The following ANKRD44 variants were observed in gnomAD, a reference collection of about 807,000 sequenced individuals.
ANKRD44 encodes the protein ankyrin repeat domain 44, also known as serine/threonine-protein phosphatase 6 regulatory ankyrin repeat subunit B.
In ANKRD44, 35 loss-of-function variants were observed where a neutral mutation model predicts 116.0. That is an observed-to-expected ratio of 0.30 (90% confidence interval 0.23 to 0.40). The LOEUF (loss-of-function observed/expected upper bound fraction) is 0.40, where lower values mean the gene tolerates loss of function less well. Among genes scored for constraint, ANKRD44 ranks in the 10% least tolerant of loss-of-function variants. The pLI, the probability that ANKRD44 is intolerant of heterozygous loss-of-function variation, is 1.00. For missense variants in ANKRD44, 1,014 were observed against 1,242.6 expected (o/e 0.82, Z 2.77); for synonymous variants, 435 against 461.8 (o/e 0.94, Z 0.74).
At chr2:197,210,478 C>T (rs1013867736) in intron 1 of ANKRD44, among the ~76,000 whole-genome samples, 2 of 152,216 alleles carry the variant, frequency 1.3e-5, no homozygotes, top group African/African-American at 4.8e-5. Context: ...GACGCCAAAG[C>T]TTGTTCTGTT....
rs115525872 is a variant in ANKRD44 at position 197,074,257 on chromosome 2, G to T, written c.1650+4446C>A. Among the ~76,000 whole-genome samples, 650 of 152,336 alleles carry T rather than the reference G, an allele frequency of 4.3e-3. 5 individuals carry two copies. Among genetic ancestry groups the T allele is most frequent in the African/African-American group, 0.015 (616 of 41,584 alleles). On this transcript the variant is annotated intron_variant, in intron 16 of 27. Transcript: ENST00000282272. ...AACACTGCCCCTTGGCAGGCTGCCT[G>T]CTGGGAGGTCAGGCACAACCCAAGT...
chr2:196,968,371 A>G (rs1332862322), intron 21 of ANKRD44, among the ~76,000 whole-genome samples: 4 of 152,196 alleles, frequency 2.6e-5, no homozygotes, highest in African/African-American at 9.6e-5. Context: ...TCACAGATAA[A>G]TTTCACAGCA....
chr2:197,084,876 G>A (rs543529076), intron 13 of ANKRD44, among the ~76,000 whole-genome samples: 1 of 152,102 alleles, frequency 6.6e-6, no homozygotes, highest in Non-Finnish European at 1.5e-5. Context: ...GTCCTTCTAG[G>A]TCTAAAATTC....
intron 2 of ANKRD44, among the ~76,000 whole-genome samples, chr2:197,163,975 G>A (rs1196638024): frequency 6.6e-6 from 1 of 152,174 alleles, no homozygotes; most frequent in East Asian, 1.9e-4. Flanking sequence ...CAGTGGGGGA[G>A]TGGATCCATC....
At chr2:197,141,311 T>C (rs1275448912) in intron 3 of ANKRD44, among the ~76,000 whole-genome samples, 1 of 152,268 alleles carries the variant, frequency 6.6e-6, no homozygotes, top group African/African-American at 2.4e-5. Context: ...CATCTTCTAA[T>C]ATGTTTGATT....
At chr2:197,127,940 T>A (rs2079013346) in intron 4 of ANKRD44, among the ~76,000 whole-genome samples, 1 of 152,204 alleles carries the variant, frequency 6.6e-6, no homozygotes, top group South Asian at 2.1e-4. Flanking sequence ...GTTTCTGAGT[T>A]AGTTTGCTAA....
At chr2:197,025,862 T>C (rs950204430) in intron 16 of ANKRD44, among the ~76,000 whole-genome samples, 1 of 152,038 alleles carries the variant, frequency 6.6e-6, no homozygotes, top group Non-Finnish European at 1.5e-5. Flanking sequence ...TAGTCAATGA[T>C]ATGCATCAAG....
At chr2:197,016,700 C>G (rs2076398430) in intron 17 of ANKRD44, among the ~76,000 whole-genome samples, 1 of 151,988 alleles carries the variant, frequency 6.6e-6, no homozygotes, top group South Asian at 2.1e-4. Context: ...AATTTAATAG[C>G]ATTAAGATTA....
intron 2 of ANKRD44, among the ~76,000 whole-genome samples, chr2:197,159,801 A>T (rs1419207983): frequency 6.6e-6 from 1 of 152,210 alleles, no homozygotes; most frequent in African/African-American, 2.4e-5. Context: ...GACAGGAATT[A>T]AGGTTGACTC....
At chr2:197,100,658 T>C (rs368093348) in intron 9 of ANKRD44, among the ~76,000 whole-genome samples, 48 of 152,194 alleles carry the variant, frequency 3.2e-4, no homozygotes, top group African/African-American at 1.0e-3. Flanking sequence ...CCAAAGGGGA[T>C]GGACAGTTCA....
intron 21 of ANKRD44, among the ~76,000 whole-genome samples, chr2:196,973,791 A>G (rs1341254166): frequency 6.6e-6 from 1 of 152,166 alleles, no homozygotes; most frequent in African/African-American, 2.4e-5. Flanking sequence ...TCCTTTTAAA[A>G]CTTCCATGAT....
At chr2:197,222,808 T>TTTTA (rs1275380928) in intron 1 of ANKRD44, among the ~76,000 whole-genome samples, 1 of 136,262 alleles carries the variant, frequency 7.3e-6, no homozygotes. Flanking sequence ...TTTATTTATT[T>TTTTA]TTTATTTATT....
At chr2:197,085,476 A>C (rs1399119945) in intron 13 of ANKRD44, among the ~76,000 whole-genome samples, 1 of 152,114 alleles carries the variant, frequency 6.6e-6, no homozygotes, top group Non-Finnish European at 1.5e-5. Flanking sequence ...ATAAGACAGG[A>C]GGTCGGCACA....
chr2:197,087,973 T>C (rs890250780), intron 12 of ANKRD44, among the ~76,000 whole-genome samples: 24 of 152,348 alleles, frequency 1.6e-4, no homozygotes, highest in African/African-American at 5.3e-4. Flanking sequence ...AAATAGGTAA[T>C]GCCTTTGGTA....
intron 3 of ANKRD44, among the ~76,000 whole-genome samples, chr2:197,138,198 A>G (rs2079266416): frequency 6.6e-6 from 1 of 152,248 alleles, no homozygotes; most frequent in Non-Finnish European, 1.5e-5. Context: ...AGGCACTAGA[A>G]AAACATTAGC....
At chr2:197,032,138 G>A (rs140473117) in intron 16 of ANKRD44, among the ~76,000 whole-genome samples, 1 of 152,150 alleles carries the variant, frequency 6.6e-6, no homozygotes, top group Non-Finnish European at 1.5e-5. Flanking sequence ...AGTGTTCCAG[G>A]ACAATAGTTA....
chr2:197,113,000 T>C (rs989918631), intron 8 of ANKRD44, among the ~76,000 whole-genome samples: 1 of 151,072 alleles, frequency 6.6e-6, no homozygotes, highest in African/African-American at 2.4e-5. Flanking sequence ...AAAAAAAACA[T>C]GTATCATTAT....
At chr2:196,990,346 GA>G in intron 27 of ANKRD44, 1 of 1,006,036 alleles carries the variant, frequency 9.9e-7, no homozygotes, top group Non-Finnish European at 1.2e-6. Context: ...TACATGAAAA[GA>G]AAAATTATTC....
At chr2:197,025,108 C>T in intron 17 of ANKRD44, 88 bp downstream of exon 17, 1 of 1,340,412 alleles carries the variant, frequency 7.5e-7, no homozygotes, top group South Asian at 1.2e-5. Flanking sequence ...CACTGTGTTA[C>T]TACATTTACA....
Sources: gnomAD v4.1 joint callset for allele counts (sites outside exome capture counted in the v4.1 genomes callset) on GRCh38, gnomAD v4.1.1 for gene constraint, MANE v1.5 for transcripts, NCBI Gene and HGNC (gene_info 2026-07-23, HGNC 2026-07-21) for gene names.